ATL1: variants seen among roughly 807,000 people sequenced by gnomAD.
ATL1 encodes the protein atlastin GTPase 1, also known as atlastin-1.
Under a neutral mutation model 75.5 loss-of-function variants are expected in ATL1, and 31 were observed. The observed-to-expected ratio is 0.41, with a 90% CI of 0.31 to 0.55. ATL1 has a LOEUF of 0.55. Ranked by LOEUF, ATL1 falls within the 20% of genes least tolerant of loss-of-function variation. The probability of loss-of-function intolerance (pLI) is 0.27; values close to 1 mark genes in which losing one functional copy is unlikely to be tolerated. For missense variants in ATL1, 405 were observed against 662.6 expected (o/e 0.61, Z 4.27); for synonymous variants, 226 against 233.3 (o/e 0.97, Z 0.28).
intron 6 of ATL1, among the ~76,000 whole-genome samples, chr14:50,608,919 T>A (rs2140222216): frequency 6.6e-6 from 1 of 152,064 alleles, no homozygotes; most frequent in East Asian, 1.9e-4. Context: ...AGAGGGTGGA[T>A]GTGGGTATTT....
chr14:50,565,962 A>G (rs988540355), intron 1 of ATL1, among the ~76,000 whole-genome samples: 2 of 152,092 alleles, frequency 1.3e-5, no homozygotes, highest in African/African-American at 4.8e-5. Context: ...CACTCCTTGT[A>G]TGCCTCTCCT....
At position 50,596,469 on chromosome 14, in the gene ATL1, G is replaced by A. The variant is rs564458240; in HGVS notation, c.630+837G>A. Among the ~76,000 whole-genome samples the A allele has an allele frequency of 2.6e-5, 4 of 152,294 alleles. No individual in the cohort carries two copies. The East Asian group carries it at 7.7e-4, about 29-fold the overall frequency. On this transcript the variant is annotated intron_variant, in intron 6 of 13. Transcript: ENST00000358385. The stretch of plus-strand genomic sequence containing the variant: ...AACAATACAGAAGATGTGAAACCTA[G>A]GGCTAACAAGCTTGCTTTATGGTAC...
intron 1 of ATL1, among the ~76,000 whole-genome samples, chr14:50,543,233 C>A (rs751749708): frequency 1.3e-4 from 20 of 152,190 alleles, no homozygotes; most frequent in Non-Finnish European, 2.5e-4. Flanking sequence ...TCAGTTACTG[C>A]CACTATGGAG....
rs73291736 is a variant in ATL1, at chr14:50,604,150, A to G, written c.630+8518A>G. 9.4e-3 allele frequency among the ~76,000 whole-genome samples: 1,438 copies of G among 152,264 alleles called. 26 individuals are homozygous for G. The highest frequency in any genetic ancestry group is 0.033 in the African/African-American group (1,375 of 41,550). Reference sequence around the variant, plus strand: ...TTCTCGTCTTTAATTTTTCTATCCAATGAGAAGTACTGAGGCTGAGAGTAG... The same window carrying G: ...TTCTCGTCTTTAATTTTTCTATCCAGTGAGAAGTACTGAGGCTGAGAGTAG... On this transcript the variant is annotated intron_variant, in intron 6 of 13. Coordinates refer to ENST00000358385, the MANE Select transcript of ATL1 (RefSeq NM_015915.5).
intron 6 of ATL1, among the ~76,000 whole-genome samples, chr14:50,608,152 C>A (rs1457006756): frequency 1.3e-5 from 2 of 152,006 alleles, no homozygotes; most frequent in Non-Finnish European, 2.9e-5. Context: ...TTTATCTGAG[C>A]AAATTAGGCT....
intron 1 of ATL1, among the ~76,000 whole-genome samples, chr14:50,569,669 T>C (rs1280750910): frequency 6.6e-6 from 1 of 152,190 alleles, no homozygotes; most frequent in Admixed American, 6.5e-5. Context: ...TTTAAGTTAC[T>C]GTGTAGTGTC....
intron 1 of ATL1, among the ~76,000 whole-genome samples, chr14:50,547,347 A>G (rs2038646376): frequency 6.6e-6 from 1 of 152,156 alleles, no homozygotes; most frequent in Non-Finnish European, 1.5e-5. Context: ...GTTATAATAG[A>G]GGGCATTGGT....
At chr14:50,593,653 A>G (rs889486736) in intron 4 of ATL1, among the ~76,000 whole-genome samples, 193 bp from the exon 5 acceptor site, 1 of 152,190 alleles carries the variant, frequency 6.6e-6, no homozygotes, top group Non-Finnish European at 1.5e-5. Context: ...ACCATTTTAT[A>G]ATCATTGTTC....
At chr14:50,578,629 AC>A (rs2039028866) in intron 1 of ATL1, among the ~76,000 whole-genome samples, 1 of 152,178 alleles carries the variant, frequency 6.6e-6, no homozygotes, top group Non-Finnish European at 1.5e-5. Context: ...CATATTGTAC[AC>A]ACTGTATTAT....
At chr14:50,626,782 T>C (rs1189777779) in intron 11 of ATL1, among the ~76,000 whole-genome samples, 3 of 152,338 alleles carry the variant, frequency 2.0e-5, no homozygotes, top group East Asian at 1.9e-4. Flanking sequence ...TCTGGCCATT[T>C]TGAAATGTAC....
At chr14:50,569,080 G>A (rs745597804) in intron 1 of ATL1, among the ~76,000 whole-genome samples, 3 of 151,924 alleles carry the variant, frequency 2.0e-5, no homozygotes, top group Non-Finnish European at 4.4e-5. Context: ...GCTGGGCATG[G>A]TGACTCATGG....
chr14:50,559,182 T>C (rs1192484077), upstream of ATL1: 1 of 152,036 alleles, frequency 6.6e-6, no homozygotes, highest in East Asian at 1.9e-4. Flanking sequence ...GCGTGAGGAG[T>C]TGCTTACCAT....
intron 1 of ATL1, among the ~76,000 whole-genome samples, chr14:50,573,415 G>A (rs1056699965): frequency 6.6e-6 from 1 of 152,168 alleles, no homozygotes; most frequent in Admixed American, 6.5e-5. Context: ...TGGCTAGTGA[G>A]AATGAGGACC....
intron 5 of ATL1, 38 bp downstream of exon 5, chr14:50,593,934 T>G (rs771339497): frequency 1.4e-6 from 2 of 1,444,554 alleles, no homozygotes; most frequent in Non-Finnish European, 1.9e-6. Context: ...TATCTGGTAG[T>G]CTTTGAAACA....
chr14:50,587,300 T>G (rs539457476), intron 1 of ATL1, among the ~76,000 whole-genome samples: 2 of 152,322 alleles, frequency 1.3e-5, no homozygotes, highest in South Asian at 4.1e-4. Context: ...TTGAAAAATT[T>G]TTTTGATTCA....
upstream of ATL1, among the ~76,000 whole-genome samples, chr14:50,555,580 A>G (rs1253187178): frequency 6.6e-6 from 1 of 152,212 alleles, no homozygotes; most frequent in Non-Finnish European, 1.5e-5. Flanking sequence ...CACCGTGGCC[A>G]GCCAGTTCCT....
At chr14:50,589,307 C>T (rs752374962) in intron 2 of ATL1, among the ~76,000 whole-genome samples, 3 of 151,856 alleles carry the variant, frequency 2.0e-5, no homozygotes, top group Middle Eastern at 3.4e-3. Flanking sequence ...TACAAGCATG[C>T]GCCACCACAT....
Position 50,628,220 on chromosome 14 carries a change from GATAGC to G in ATL1, c.1311_1315del (p.Asp437GlufsTer37). 6.2e-7 allele frequency: 1 copy of G among 1,614,142 alleles called. No individual in the cohort carries two copies. On this transcript the variant is annotated frameshift_variant, in exon 12 of 14. Coordinates refer to ENST00000358385, the MANE Select transcript of ATL1 (RefSeq NM_015915.5). LOFTEE classifies it high-confidence loss of function. Reference sequence around the variant, plus strand: ...TTACATCCAATATATCAAGCACAATGATAGCAAAAATATCTTCCATGCAGCTCGTA... The same window carrying G: ...TTACATCCAATATATCAAGCACAATGAAAAATATCTTCCATGCAGCTCGTA...
intron 1 of ATL1, among the ~76,000 whole-genome samples, chr14:50,541,748 C>T (rs567506969): frequency 3.3e-5 from 5 of 152,004 alleles, no homozygotes; most frequent in Admixed American, 2.6e-4. Flanking sequence ...TGGCCAGGCG[C>T]GGTGGCTCAC....
Sources: allele counts gnomAD v4.1 joint callset (sites outside exome capture counted in the v4.1 genomes callset), GRCh38; gene constraint gnomAD v4.1.1; transcripts MANE v1.5; gene names NCBI Gene and HGNC (gene_info 2026-07-23, HGNC 2026-07-21).